DPH6: variants seen among roughly 807,000 people sequenced by gnomAD.
DPH6 encodes the protein diphthamine biosynthesis 6, also known as diphthine--ammonia ligase.
A neutral mutation model predicts 38.2 loss-of-function variants in DPH6; 33 were observed. The ratio of observed to expected loss-of-function variants is 0.86; its 90% CI spans 0.65 to 1.15. The LOEUF is 1.15. Among genes scored for constraint, DPH6 ranks in the 50% most tolerant of loss-of-function variants. The probability of loss-of-function intolerance (pLI) is 0.00; values close to 1 mark genes in which losing one functional copy is unlikely to be tolerated. For missense variants in DPH6, 325 were observed against 320.0 expected, an observed-to-expected ratio of 1.02 and a Z score of -0.12; for synonymous variants, 108 against 103.0, an observed-to-expected ratio of 1.05 and a Z score of -0.30.
intron 6 of DPH6, among the ~76,000 whole-genome samples, chr15:35,387,250 T>C (rs1285467861): frequency 6.6e-6 from 1 of 152,204 alleles, no homozygotes; most frequent in Non-Finnish European, 1.5e-5. Context: ...TGTAGCCTTG[T>C]AGTATAGTTT....
At chr15:35,262,532 C>CCGT (rs1566853700) in intron 3 of DPH6, among the ~76,000 whole-genome samples, 1 of 151,860 alleles carries the variant, frequency 6.6e-6, no homozygotes. Context: ...CGGTGAAACC[C>CCGT]CGTCTCTACT....
At chr15:35,455,019 T>C (rs1038253616) in intron 3 of DPH6, among the ~76,000 whole-genome samples, 199 bp from the exon 4 acceptor site, 2 of 152,162 alleles carry the variant, frequency 1.3e-5, no homozygotes, top group South Asian at 2.1e-4. Context: ...AAAATAATTA[T>C]GGTTTTACTT....
intron 7 of DPH6, among the ~76,000 whole-genome samples, chr15:35,379,956 A>G (rs2140936142): frequency 6.6e-6 from 1 of 152,304 alleles, no homozygotes; most frequent in Admixed American, 6.5e-5. Flanking sequence ...GAGAAAAGGT[A>G]TCACAAAAGA....
At chr15:35,345,541 T>C (rs1260284276) in intron 3 of DPH6, among the ~76,000 whole-genome samples, 1 of 151,892 alleles carries the variant, frequency 6.6e-6, no homozygotes, top group Non-Finnish European at 1.5e-5. Context: ...GTAAGGTAAT[T>C]GACTAATTTT....
At chr15:35,356,531 A>G (rs762372910) in intron 3 of DPH6, among the ~76,000 whole-genome samples, 1 of 151,950 alleles carries the variant, frequency 6.6e-6, no homozygotes, top group Middle Eastern at 3.2e-3. Context: ...GGTCTGTTGG[A>G]GTTTGCTGGA....
intron 3 of DPH6, among the ~76,000 whole-genome samples, chr15:35,316,052 G>T (rs974385782): frequency 3.3e-5 from 5 of 152,014 alleles, no homozygotes; most frequent in Admixed American, 3.3e-4. Context: ...AGGGGGAAGG[G>T]AACTATGAAG....
At chr15:35,247,011 G>A (rs1184715058) in intron 3 of DPH6, among the ~76,000 whole-genome samples, 2 of 152,112 alleles carry the variant, frequency 1.3e-5, no homozygotes, top group African/African-American at 2.4e-5. Context: ...TTCATGTAGA[G>A]CAATTTTTAT....
the DPH6 span, among the ~76,000 whole-genome samples, chr15:35,166,349 C>T: frequency 1.3e-5 from 2 of 151,888 alleles, no homozygotes; most frequent in African/African-American, 2.4e-5. Context: ...TTCATCAAAC[C>T]TAGCATAACA....
the DPH6 span, among the ~76,000 whole-genome samples, chr15:35,192,679 T>C: frequency 0.99 from 151,119 of 152,318 alleles, 74,979 homozygotes; most frequent in Middle Eastern, 1. Flanking sequence ...GGATTCTTTG[T>C]TACTTCACGG....
chr15:35,447,769 C>T (rs1051085213), intron 5 of DPH6, among the ~76,000 whole-genome samples: 3 of 151,830 alleles, frequency 2.0e-5, no homozygotes, highest in Admixed American at 6.6e-5. Context: ...ACTTTAAACT[C>T]GAGCCTAGGA....
At chr15:35,391,546 C>T (rs889693995) in intron 6 of DPH6, among the ~76,000 whole-genome samples, 5 of 152,178 alleles carry the variant, frequency 3.3e-5, no homozygotes, top group African/African-American at 7.2e-5. Context: ...CAATGGTGGG[C>T]GCCCCTCCCC....
At chr15:35,509,098 C>T (rs1201389860) in intron 3 of DPH6, among the ~76,000 whole-genome samples, 1 of 152,026 alleles carries the variant, frequency 6.6e-6, no homozygotes, top group Non-Finnish European at 1.5e-5. Context: ...GTATTTGTGC[C>T]TATTATATCA....
chr15:35,349,405 C>A lies in DPH6; in HGVS notation n.208-18328G>T, dbSNP rs544239941. On this transcript the variant is annotated intron_variant and non_coding_transcript_variant, in intron 3 of 3. Transcript: ENST00000558973. ...TTTGTCAAATGCCTTCCTTGGCATC[C>A]AGTTGACTACGTGCATTGTTTGTTT... Among the ~76,000 whole-genome samples, 25 of 152,112 alleles carry A rather than the reference C, an allele frequency of 1.6e-4. No homozygotes were observed. The South Asian group carries it at 5.0e-3, about 30-fold the overall frequency.
intron 5 of DPH6, among the ~76,000 whole-genome samples, chr15:35,423,358 C>T (rs11632013): frequency 0.34 from 51,158 of 151,512 alleles, 10,187 homozygotes; most frequent in African/African-American, 0.56. Context: ...GAGAAATGTC[C>T]ATTCAAGTCC....
chr15:35,253,487 T>C (rs2051687784), intron 3 of DPH6, among the ~76,000 whole-genome samples: 1 of 152,198 alleles, frequency 6.6e-6, no homozygotes, highest in African/African-American at 2.4e-5. Context: ...CCCAGAAAAG[T>C]GAGAGTAAAC....
chr15:35,224,581 A>C (rs2051466856), intron 3 of DPH6, among the ~76,000 whole-genome samples: 3 of 152,198 alleles, frequency 2.0e-5, no homozygotes, highest in Admixed American at 2.0e-4. Context: ...ATTTGGGTAA[A>C]TACCAAGGAG....
intron 3 of DPH6, among the ~76,000 whole-genome samples, chr15:35,360,427 G>A (rs1240501315): frequency 6.6e-6 from 1 of 152,132 alleles, no homozygotes; most frequent in Non-Finnish European, 1.5e-5. Flanking sequence ...CCATTAGCAG[G>A]GTCTTAATAG....
At chr15:35,306,224 G>A (rs908169281) in intron 3 of DPH6, among the ~76,000 whole-genome samples, 3 of 152,042 alleles carry the variant, frequency 2.0e-5, no homozygotes, top group African/African-American at 7.2e-5. Flanking sequence ...CTGTATCTTT[G>A]GAAGTGAGCT....
chr15:35,525,747 GGAA>G (rs1269666807), intron 3 of DPH6, among the ~76,000 whole-genome samples: 1 of 152,112 alleles, frequency 6.6e-6, no homozygotes, highest in East Asian at 1.9e-4. Context: ...CGCTGAGGCA[GGAA>G]GATGAACTGA....
Sources: gnomAD v4.1 joint callset for allele counts (sites outside exome capture counted in the v4.1 genomes callset) on GRCh38, gnomAD v4.1.1 for gene constraint, MANE v1.5 for transcripts, NCBI Gene and HGNC (gene_info 2026-07-23, HGNC 2026-07-21) for gene names.